NDST4: variants seen among roughly 807,000 people sequenced by gnomAD.
NDST4 encodes N-deacetylase and N-sulfotransferase 4.
NDST4 carries 63 observed loss-of-function variants against 100.8 expected under a neutral mutation model. That is an observed-to-expected ratio of 0.62 (90% CI 0.51 to 0.77). The LOEUF (loss-of-function observed/expected upper bound fraction) is 0.77, where lower values mean the gene tolerates loss of function less well. Ranked by LOEUF, NDST4 falls within the 30% of genes least tolerant of loss-of-function variation. NDST4 has a pLI of 0.00. For synonymous variants in NDST4, 377 were observed against 361.8 expected (o/e 1.04, Z -0.48); for missense variants, 943 against 1,018.4 (o/e 0.93, Z 1.01).
chr4:114,899,334 C>G (rs373895940), intron 6 of NDST4, among the ~76,000 whole-genome samples: 1 of 152,006 alleles, frequency 6.6e-6, no homozygotes, highest in Non-Finnish European at 1.5e-5. Flanking sequence ...TGTGCCACCA[C>G]GCCAGGCTAA....
chr4:115,061,654 G>A (rs893313494), intron 2 of NDST4, among the ~76,000 whole-genome samples: 18 of 152,086 alleles, frequency 1.2e-4, no homozygotes, highest in African/African-American at 4.1e-4. Context: ...GAGAGCATTA[G>A]GACAAATACC....
intron 6 of NDST4, among the ~76,000 whole-genome samples, chr4:114,871,702 A>T (rs1724152202): frequency 6.6e-6 from 1 of 152,080 alleles, no homozygotes; most frequent in South Asian, 2.1e-4. Flanking sequence ...TCTGATTGAA[A>T]TTGCAGAGAT....
intron 6 of NDST4, among the ~76,000 whole-genome samples, chr4:114,929,818 A>C (rs572222907): frequency 4.7e-5 from 7 of 149,842 alleles, no homozygotes; most frequent in African/African-American, 1.5e-4. Flanking sequence ...TATTGGGTTC[A>C]AAATATTTAG....
At position 114,845,919 on chromosome 4, in the gene NDST4, C is replaced by T. The variant is rs373512908; in HGVS notation, c.2019G>A (p.Ser673=). 3.8e-5 allele frequency: 62 copies of T among 1,613,732 alleles called. No homozygotes were observed. Among genetic ancestry groups the T allele is most frequent in the Middle Eastern group, 1.6e-4 (1 of 6,084 alleles). Residue 673 remains serine, a synonymous_variant, in exon 10 of 14, where the codon TCG becomes TCA. Transcript: ENST00000264363. ...ATGCGGCTCGTCTTGGAGCTTCTTC[C>T]GAATGGAAGTAATTAGCACTCTTTT... The part of the protein sequence containing the change: ...LFEKSANYFH[S]EEAPRRAASL...
At chr4:115,045,597 A>G (rs1021472893) in intron 2 of NDST4, among the ~76,000 whole-genome samples, 2 of 152,148 alleles carry the variant, frequency 1.3e-5, no homozygotes, top group African/African-American at 4.8e-5. Flanking sequence ...TCCCAGCAGT[A>G]GACTGATATT....
intron 1 of NDST4, among the ~76,000 whole-genome samples, chr4:115,110,503 T>C (rs1210304037): frequency 6.6e-6 from 1 of 151,954 alleles, no homozygotes; most frequent in Admixed American, 6.6e-5. Flanking sequence ...AGAAGATATA[T>C]GCTACAACAG....
chr4:115,091,403 C>T (rs1238736876), intron 1 of NDST4, among the ~76,000 whole-genome samples: 3 of 151,950 alleles, frequency 2.0e-5, no homozygotes, highest in African/African-American at 7.2e-5. Context: ...ACAATATGAA[C>T]AACTTATATA....
chr4:114,957,031 G>T (rs1196528516), intron 4 of NDST4, among the ~76,000 whole-genome samples: 3 of 152,084 alleles, frequency 2.0e-5, no homozygotes, highest in African/African-American at 4.8e-5. Context: ...AGCAAACTAG[G>T]CCTGAAGACA....
chr4:114,850,001 T>C (rs1723638675), intron 8 of NDST4, among the ~76,000 whole-genome samples: 1 of 152,132 alleles, frequency 6.6e-6, no homozygotes, highest in Non-Finnish European at 1.5e-5. Flanking sequence ...GGAAATGAAT[T>C]AGCAATAGAG....
chr4:115,028,504 G>C (rs1341793483), intron 2 of NDST4, among the ~76,000 whole-genome samples: 1 of 151,604 alleles, frequency 6.6e-6, no homozygotes, highest in African/African-American at 2.4e-5. Context: ...AAAATGGGCT[G>C]AGCTGGCCCT....
intron 2 of NDST4, among the ~76,000 whole-genome samples, chr4:115,074,462 T>G (rs1170733599): frequency 6.6e-6 from 1 of 151,800 alleles, no homozygotes; most frequent in Non-Finnish European, 1.5e-5. Flanking sequence ...ATTTCAAAAA[T>G]AAAAAGAAAA....
intron 1 of NDST4, among the ~76,000 whole-genome samples, chr4:115,096,676 C>T (rs944244648): frequency 1.3e-5 from 2 of 152,042 alleles, no homozygotes; most frequent in Non-Finnish European, 2.9e-5. Context: ...TTTCACACTC[C>T]CATGTAGCAA....
Position 114,858,492 on chromosome 4 carries a change from C to T in NDST4, c.1720-5671G>A, listed in dbSNP as rs367870403. 5.3e-5 allele frequency among the ~76,000 whole-genome samples: 8 copies of T among 152,246 alleles called. No individual in the cohort carries two copies. In the East Asian group the frequency reaches 7.7e-4, roughly 15 times the overall value. ...CATACCCCAGTTTCTACAAGTTGCT[C>T]GCCTGAGAGTGATGGAAAGGCCACT... is the stretch of plus-strand genomic sequence containing the variant. On this transcript the variant is annotated intron_variant, in intron 7 of 13. Transcript: ENST00000264363.
intron 1 of NDST4, among the ~76,000 whole-genome samples, chr4:115,103,554 T>C (rs544918938): frequency 2.0e-5 from 3 of 152,306 alleles, no homozygotes; most frequent in Admixed American, 6.5e-5. Context: ...CCTGTAGTTA[T>C]GGTTTCCACC....
rs72617779 is a variant in NDST4, at chr4:115,081,317, C to T, written c.-246-4035G>A. Among the ~76,000 whole-genome samples, 280 of 152,182 alleles carry T rather than the reference C, an allele frequency of 1.8e-3. No homozygotes were observed. The East Asian group carries it at 0.043, about 23-fold the overall frequency. On this transcript the variant is annotated intron_variant, in intron 1 of 13. Transcript: ENST00000264363. Reference sequence around the variant, plus strand: ...GTTCTCCTTCCCTAGCAAAACTGGCCGGTGGAGATGAGGAAGCCTGGACCA... The same window carrying T: ...GTTCTCCTTCCCTAGCAAAACTGGCTGGTGGAGATGAGGAAGCCTGGACCA...
intron 2 of NDST4, among the ~76,000 whole-genome samples, chr4:115,057,978 G>A (rs2126282071): frequency 6.6e-6 from 1 of 152,226 alleles, no homozygotes; most frequent in South Asian, 2.1e-4. Flanking sequence ...CTGTAAGCAT[G>A]TGTATATGTA....
intron 1 of NDST4, among the ~76,000 whole-genome samples, chr4:115,107,045 C>T (rs973743323): frequency 6.6e-6 from 1 of 151,968 alleles, no homozygotes; most frequent in African/African-American, 2.4e-5. Flanking sequence ...ATAGTCCCAG[C>T]TTCTTGAGAG....
intron 6 of NDST4, among the ~76,000 whole-genome samples, chr4:114,889,947 A>G (rs1447510366): frequency 1.3e-5 from 2 of 152,168 alleles, no homozygotes; most frequent in Admixed American, 1.3e-4. Context: ...TTTCGAAGGT[A>G]TAATATATTC....
intron 2 of NDST4, among the ~76,000 whole-genome samples, chr4:115,001,644 T>C (rs918531983): frequency 8.6e-5 from 13 of 151,986 alleles, no homozygotes; most frequent in African/African-American, 2.9e-4. Flanking sequence ...ATATACTATA[T>C]ATATTATAAT....
Sources: allele counts gnomAD v4.1 joint callset (sites outside exome capture counted in the v4.1 genomes callset), GRCh38; gene constraint gnomAD v4.1.1; transcripts MANE v1.5; gene names NCBI Gene and HGNC (gene_info 2026-07-23, HGNC 2026-07-21).